OMD: variants seen among roughly 807,000 people sequenced by gnomAD.
OMD encodes the protein KSPG osteomodulin.
Under a neutral mutation model 31.2 loss-of-function variants are expected in OMD, and 19 were observed. That is an observed-to-expected ratio of 0.61 (90% CI 0.42 to 0.89). The LOEUF (loss-of-function observed/expected upper bound fraction) is 0.89. OMD is among the 40% of genes least tolerant of loss of function. The pLI is 0.00. For synonymous variants in OMD, 155 were observed against 166.4 expected, an observed-to-expected ratio of 0.93 and a Z score of 0.53; for missense variants, 448 against 490.8, an observed-to-expected ratio of 0.91 and a Z score of 0.82.
chr9:92,417,645 C>T lies in OMD; in HGVS notation c.-16-71G>A, dbSNP rs1005239016. 5 of 827,700 alleles carry T rather than the reference C, an allele frequency of 6.0e-6. No individual in the cohort carries two copies. In the African/African-American group the frequency reaches 8.7e-5, roughly 14 times the overall value. 51.3% of individuals were successfully genotyped at this position (827,700 alleles called of 1,614,324 possible). ...TCAGAATACGCTTTGTATAAATTCTCAGTTATATGAAATGTATTATACCTA... is the reference window on the plus strand; with the variant it reads ...TCAGAATACGCTTTGTATAAATTCTTAGTTATATGAAATGTATTATACCTA... On this transcript the variant is annotated intron_variant, in intron 1 of 2. Transcript: ENST00000375550.
In OMD at chr9:92,421,745, A is replaced by C. The variant is rs189055365; in HGVS notation, c.-17+2457T>G. 2.2e-4 allele frequency among the ~76,000 whole-genome samples: 33 copies of C among 152,332 alleles called. No individual in the cohort carries two copies. In the East Asian group the frequency reaches 6.4e-3, roughly 29 times the overall value. On this transcript the variant is annotated intron_variant, in intron 1 of 2. Transcript: ENST00000375550. ...TTGGTGGAGAATACAGAAATGAAGA[A>C]GACGTGAAGCCATAGTCCCTTCTGT...
At position 92,416,930 on chromosome 9, in the gene OMD, T is replaced by G; in HGVS notation, c.629A>C (p.Lys210Thr). ...GTTGAGCTGCATTAGTTTTTCCATT[T>G]TGGCAAAGATTTTGTCTTTTAGCAG... ...DSLLKDKIFA[K>T]MEKLMQLNLC... Residue 210 changes from lysine (K) to threonine (T), a missense_variant, in exon 2 of 3, where the codon AAA becomes ACA. By Grantham distance (78) the Lys-to-Thr change is moderately conservative (BLOSUM62 -1). Transcript: ENST00000375550. 1 of 1,614,062 alleles carries G rather than the reference T, an allele frequency of 6.2e-7. No individual in the cohort carries two copies. Among genetic ancestry groups the G allele is most frequent in the Non-Finnish European group, 8.5e-7 (1 of 1,179,978 alleles).
chr9:92,416,122 CAG>C (rs2130957952), intron 2 of OMD, among the ~76,000 whole-genome samples: 1 of 137,718 alleles, frequency 7.3e-6, no homozygotes, highest in East Asian at 2.1e-4. Flanking sequence ...TTTTTTAAGA[CAG>C]AGTTTTGCTC....
intron 1 of OMD, among the ~76,000 whole-genome samples, chr9:92,420,725 G>A (rs565059151): frequency 6.6e-6 from 1 of 151,472 alleles, no homozygotes; most frequent in South Asian, 2.1e-4. Flanking sequence ...ACAAGAAAAT[G>A]CCAAAATAGC....
chr9:92,416,107 T>TA (rs1564309257), intron 2 of OMD, among the ~76,000 whole-genome samples: 2 of 142,754 alleles, frequency 1.4e-5, no homozygotes, highest in South Asian at 2.1e-4. Context: ...TATTTTATTT[T>TA]TTTTTTTTTT....
chr9:92,416,644 T>C lies in OMD; in HGVS notation c.915A>G (p.Leu305=). 6.3e-7 allele frequency: 1 copy of C among 1,591,786 alleles called. No individual in the cohort carries two copies. The highest frequency in any genetic ancestry group is 8.6e-7 in the Non-Finnish European group (1 of 1,167,682). The stretch of plus-strand genomic sequence containing the variant: ...TTTCTATTTCATTATTTTGTAGGTA[T>C]AGGTGTTCCAAATTTCTTGGAATAT... The part of the protein sequence containing the change: ...AFYIPRNLEH[L]YLQNNEIEKM... Residue 305 remains leucine (L), a synonymous_variant, in exon 2 of 3, where the codon CTA becomes CTG. Transcript: ENST00000375550.
At chr9:92,420,270 G>C (rs912266538) in intron 1 of OMD, among the ~76,000 whole-genome samples, 3 of 152,032 alleles carry the variant, frequency 2.0e-5, no homozygotes, top group African/African-American at 7.2e-5. Flanking sequence ...GTTTTTCACT[G>C]TCCCTCATCC....
chr9:92,413,579 T>C lies in OMD; in HGVS notation c.*1573A>G, dbSNP rs1843504710. Among the ~76,000 whole-genome samples the C allele has an allele frequency of 6.6e-6, 1 of 152,252 alleles. No homozygotes were observed. On this transcript the variant is annotated 3_prime_UTR_variant, in exon 3 of 3. Coordinates refer to ENST00000375550, the MANE Select transcript of OMD (RefSeq NM_005014.3). ...CGTATTAACTCTTAATGTTTGAATT[T>C]ATATCCTGTATTTAAAAATTGCAAG... is the stretch of plus-strand genomic sequence containing the variant.
chr9:92,420,911 G>A (rs1350953119), intron 1 of OMD, among the ~76,000 whole-genome samples: 3 of 152,172 alleles, frequency 2.0e-5, no homozygotes, highest in Non-Finnish European at 1.5e-5. Context: ...ATAGAGGGAA[G>A]TGAGGAAGAA....
intron 1 of OMD, among the ~76,000 whole-genome samples, chr9:92,418,086 T>C (rs1033242718): frequency 6.7e-6 from 1 of 150,292 alleles, no homozygotes; most frequent in Non-Finnish European, 1.5e-5. Flanking sequence ...TTTTTCTTTT[T>C]CTTTTTCTTT....
rs1432355939 is a variant in OMD at position 92,414,788 on chromosome 9, G to A, written c.*364C>T. On this transcript the variant is annotated 3_prime_UTR_variant, in exon 3 of 3. Transcript: ENST00000375550. ...AGTGATCAAAAAGGTCATGGCCTGT[G>A]GGTCTTTACTGCTAATGCTACTTCC... The A allele has an allele frequency of 8.6e-6, 2 of 232,110 alleles. No homozygotes were observed. Among genetic ancestry groups the A allele is most frequent in the Non-Finnish European group, 1.7e-5 (2 of 118,552 alleles). The allele number at this position is 232,110 out of a possible 1,614,324, so 14.4% of individuals were successfully genotyped here.
chr9:92,418,539 A>C (rs972652405), intron 1 of OMD, among the ~76,000 whole-genome samples: 2 of 152,116 alleles, frequency 1.3e-5, no homozygotes, highest in African/African-American at 4.8e-5. Flanking sequence ...ACATCAGTCA[A>C]CTACAGTCTG....
chr9:92,423,805 A>T (rs1042293804), intron 1 of OMD, among the ~76,000 whole-genome samples: 1 of 152,160 alleles, frequency 6.6e-6, no homozygotes, highest in Non-Finnish European at 1.5e-5. Context: ...TCAACCCCCC[A>T]ACCGGAATCA....
intron 1 of OMD, among the ~76,000 whole-genome samples, chr9:92,417,812 A>G (rs1200439805): frequency 1.3e-5 from 2 of 151,858 alleles, no homozygotes; most frequent in Non-Finnish European, 2.9e-5. Flanking sequence ...TCTGCCTCCC[A>G]GGCTCCCAGG....
intron 1 of OMD, among the ~76,000 whole-genome samples, chr9:92,423,665 T>G (rs1005823727): frequency 1.3e-5 from 2 of 152,138 alleles, no homozygotes; most frequent in African/African-American, 4.8e-5. Flanking sequence ...GATCCTTCAA[T>G]AGACTAGATA....
At chr9:92,417,619 C>T (rs1843657850) in intron 1 of OMD, 45 bp from the exon 2 acceptor site, 2 of 959,924 alleles carry the variant, frequency 2.1e-6, no homozygotes, top group Admixed American at 5.2e-5. Context: ...AGTGAGTAAA[C>T]TCAGAATACG....
chr9:92,416,971 A>G lies in OMD; in HGVS notation c.588T>C (p.Asn196=). ...VNLTMLDLCY[N]YLHDSLLKDK... Reference sequence around the variant, plus strand: ...CTTTTAGCAGAGAATCATGAAGATAATTATAACAGAGATCAAGCATGGTCA... The same window carrying G: ...CTTTTAGCAGAGAATCATGAAGATAGTTATAACAGAGATCAAGCATGGTCA... Residue 196 remains asparagine, a synonymous_variant, in exon 2 of 3, where the codon AAT becomes AAC. Coordinates refer to ENST00000375550, the MANE Select transcript of OMD (RefSeq NM_005014.3). 6.2e-7 allele frequency: 1 copy of G among 1,613,980 alleles called. No individual in the cohort carries two copies. Among genetic ancestry groups the G allele is most frequent in the Non-Finnish European group, 8.5e-7 (1 of 1,179,938 alleles).
chr9:92,417,377 C>A lies in OMD; in HGVS notation c.182G>T (p.Gly61Val), dbSNP rs1015199099. 6.2e-7 allele frequency: 1 copy of A among 1,613,888 alleles called. No homozygotes were observed. The highest frequency in any genetic ancestry group is 1.3e-5 in the African/African-American group (1 of 74,904). The change falls in exon 2 of 3, where the codon GGC becomes GTC. Residue 61 changes from glycine (G) to valine (V), a missense_variant. By Grantham distance (109) the Gly-to-Val change is moderately radical. Transcript: ENST00000375550. ...TGGACAGAAGCATTCACTGACACAG[C>A]CTAAAGTATACTGATGAAAAGGAAC... The part of the protein sequence containing the change: ...YGVPFHQYTL[G>V]CVSECFCPTN...
intron 2 of OMD, among the ~76,000 whole-genome samples, chr9:92,415,856 T>C (rs987917722): frequency 6.8e-6 from 1 of 146,344 alleles, no homozygotes; most frequent in African/African-American, 2.5e-5. Context: ...AAAATATATA[T>C]ATATAAAATT....
Sources: gnomAD v4.1 joint callset for allele counts (sites outside exome capture counted in the v4.1 genomes callset) on GRCh38, gnomAD v4.1.1 for gene constraint, MANE v1.5 for transcripts, NCBI Gene and HGNC (gene_info 2026-07-23, HGNC 2026-07-21) for gene names.